WNK3: variants seen among roughly 807,000 people sequenced by gnomAD.
WNK3 encodes the protein WNK lysine deficient protein kinase 3, also known as serine/threonine-protein kinase WNK3.
Under a neutral mutation model 116.7 loss-of-function variants are expected in WNK3, and 18 were observed. That is an observed-to-expected ratio of 0.15 (90% CI 0.11 to 0.23). The LOEUF is 0.23. Ranked by LOEUF, WNK3 falls within the 10% of genes least tolerant of loss-of-function variation. The pLI is 1.00. For synonymous variants in WNK3, 404 were observed against 469.4 expected (o/e 0.86, Z 1.80); for missense variants, 993 against 1,323.8 (o/e 0.75, Z 3.88).
intron 2 of WNK3, 152 bp from the exon 3 acceptor site, chrX:54,311,443 T>C (rs1484345432): frequency 3.8e-5 from 17 of 450,320 alleles, no homozygotes; most frequent in Non-Finnish European, 4.9e-5. Context: ...ACTTGTATCA[T>C]CACAGATATC....
At chrX:54,282,707 G>A (rs1474553647) in intron 10 of WNK3, among the ~76,000 whole-genome samples, 2 of 111,467 alleles carry the variant, frequency 1.8e-5, no homozygotes, top group African/African-American at 3.3e-5. Context: ...GGGTGCCAAG[G>A]CTATTCAATG....
In WNK3 at chrX:54,256,813, A is replaced by G. The variant is rs782623645; in HGVS notation, c.2103-926T>C. Among the ~76,000 whole-genome samples the G allele has an allele frequency of 1.2e-4, 14 of 112,636 alleles. No individual in the cohort carries two copies. In the East Asian group the frequency reaches 3.9e-3, roughly 31 times the overall value. ...AGAAGATACATTAATACTGCCCTTA[A>G]GAGTTTTTTAAATACACAGAGAAAT... On this transcript the variant is annotated intron_variant, in intron 11 of 23. Transcript: ENST00000354646.
chrX:54,234,713 C>T (rs1381968002), intron 20 of WNK3, among the ~76,000 whole-genome samples: 68 of 108,025 alleles, frequency 6.3e-4, no homozygotes, highest in Non-Finnish European at 1.1e-3. Context: ...ATAGTCCCAG[C>T]TACTTGGGAG....
At chrX:54,205,145 G>T (rs2067538722) in intron 22 of WNK3, among the ~76,000 whole-genome samples, 1 of 110,501 alleles carries the variant, frequency 9.0e-6, no homozygotes, top group Admixed American at 9.8e-5. Flanking sequence ...AACCTGGGTG[G>T]TGGAGGCTGC....
At chrX:54,339,877 C>T (rs1443516376) in intron 1 of WNK3, among the ~76,000 whole-genome samples, 1 of 111,822 alleles carries the variant, frequency 8.9e-6, no homozygotes, top group African/African-American at 3.2e-5. Flanking sequence ...AGCTGCACCT[C>T]GGCTGGGCGC....
intron 17 of WNK3, among the ~76,000 whole-genome samples, chrX:54,245,274 G>A (rs1557152487): frequency 9.3e-6 from 1 of 107,854 alleles, no homozygotes; most frequent in African/African-American, 3.4e-5. Context: ...ATTGCTTGAG[G>A]CCAGGAGTTC....
chrX:54,226,469 C>CAA (rs782422874), intron 22 of WNK3, among the ~76,000 whole-genome samples: 5 of 19,809 alleles, frequency 2.5e-4, no homozygotes, highest in African/African-American at 3.6e-4. Flanking sequence ...GACTCTGTCT[C>CAA]AAAAAAAAAA....
chrX:54,305,556 C>A (rs1290199112), intron 5 of WNK3, among the ~76,000 whole-genome samples: 1 of 111,425 alleles, frequency 9.0e-6, no homozygotes, highest in African/African-American at 3.3e-5. Context: ...GAAACTAGGT[C>A]ATTTGTCCTA....
rs192068874 is a variant in WNK3, at chrX:54,200,988, C to T, written c.5073+1003G>A. ...AATATTAACAATAAATGCATTATTTCTTTAACAAACTATATGACTATACAT... is the reference window on the plus strand; with the variant it reads ...AATATTAACAATAAATGCATTATTTTTTTAACAAACTATATGACTATACAT... On this transcript the variant is annotated intron_variant, in intron 23 of 23. Coordinates refer to ENST00000354646, the Ensembl canonical transcript of WNK3. Among the ~76,000 whole-genome samples, 583 of 111,633 alleles carry T rather than the reference C, an allele frequency of 5.2e-3. 6 individuals are homozygous for T. Among genetic ancestry groups the T allele is most frequent in the African/African-American group, 0.018 (569 of 30,800 alleles).
chrX:54,298,269 G>C, exon 7 of WNK3: 1 of 1,209,232 alleles, frequency 8.3e-7, no homozygotes, highest in Non-Finnish European at 1.1e-6. Flanking sequence ...CAATTTTTTA[G>C]GGTCTTCAAC....
chrX:54,245,449 T>TG (rs1439293292), intron 17 of WNK3, among the ~76,000 whole-genome samples: 1 of 110,257 alleles, frequency 9.1e-6, no homozygotes, highest in Admixed American at 9.8e-5. Context: ...ATCATGCCAC[T>TG]GCACTCCAGC....
intron 22 of WNK3, among the ~76,000 whole-genome samples, chrX:54,213,560 A>C (rs76799876): frequency 0.024 from 2,352 of 99,090 alleles, 57 homozygotes; most frequent in East Asian, 0.061. Context: ...TCTCAAAAAA[A>C]AAAACAAACA....
intron 13 of WNK3, among the ~76,000 whole-genome samples, chrX:54,251,899 CTA>C (rs2068134228): frequency 9.2e-6 from 1 of 108,612 alleles, no homozygotes; most frequent in Non-Finnish European, 1.9e-5. Context: ...AACCCTGTCT[CTA>C]CTAAAAATAC....
intron 15 of WNK3, among the ~76,000 whole-genome samples, chrX:54,250,488 A>C (rs1174684684): frequency 7.1e-5 from 8 of 112,141 alleles, no homozygotes; most frequent in Non-Finnish European, 1.5e-4. Flanking sequence ...ACATGTATTA[A>C]AATTTACAGA....
At position 54,255,724 on chromosome X, in the gene WNK3, A is replaced by G; in HGVS notation, c.2250+16T>C. 2 of 1,203,503 alleles carry G rather than the reference A, an allele frequency of 1.7e-6. No individual in the cohort carries two copies. The highest frequency in any genetic ancestry group is 3.6e-5 in the South Asian group (2 of 54,862). On this transcript the variant is annotated intron_variant, in intron 12 of 23. Coordinates refer to ENST00000354646, the Ensembl canonical transcript of WNK3. ...CTCTATATGTACTCTTAACCAAACC[A>G]TATTTACAAACTGACCTGAAGGACG... is the stretch of plus-strand genomic sequence containing the variant.
chrX:54,206,321 G>A (rs2067553410), intron 22 of WNK3, among the ~76,000 whole-genome samples: 1 of 110,992 alleles, frequency 9.0e-6, no homozygotes, highest in Non-Finnish European at 1.9e-5. Flanking sequence ...GCCCAGGAGT[G>A]CAGGGTTATG....
Position 54,213,556 on chromosome X carries a change from AAAAAAAAACAAAC to A in WNK3, c.4871-11376_4871-11364del, listed in dbSNP as rs200534654. Among the ~76,000 whole-genome samples, 708 of 96,858 alleles carry A rather than the reference AAAAAAAAACAAAC, an allele frequency of 7.3e-3. 110 individuals carry two copies. The highest frequency in any genetic ancestry group is 0.033 in the African/African-American group (697 of 21,325). 84.1% of individuals were successfully genotyped at this position (96,858 alleles called of 115,157 possible). On this transcript the variant is annotated intron_variant, in intron 22 of 23. Coordinates refer to ENST00000354646, the Ensembl canonical transcript of WNK3. ...GCGACAGAGTGAGACTCCGTCTCAA[AAAAAAAAACAAAC>A]AAAAAAAAAAAAACTAGGGGAAAAA... is the stretch of plus-strand genomic sequence containing the variant.
chrX:54,325,768 A>C (rs906309121), intron 2 of WNK3, among the ~76,000 whole-genome samples: 1 of 108,914 alleles, frequency 9.2e-6, no homozygotes, highest in Non-Finnish European at 1.9e-5. Flanking sequence ...GTATTTTCCA[A>C]CTCATCATAG....
chrX:54,275,412 CAT>C lies in WNK3; in HGVS notation c.2038-16076_2038-16075del, dbSNP rs1491102624. Among the ~76,000 whole-genome samples the C allele has an allele frequency of 7.8e-3, 347 of 44,432 alleles. 4 individuals carry two copies. The highest frequency in any genetic ancestry group is 0.025 in the African/African-American group (274 of 10,990). 38.6% of individuals were successfully genotyped at this position (44,432 alleles called of 115,157 possible). ...TGTCGGTATCTGTAGGGTATAAGTT[CAT>C]ATGTGTGTGTGTGTGTGTGTGTGTG... On this transcript the variant is annotated intron_variant, in intron 10 of 23. Coordinates refer to ENST00000354646, the Ensembl canonical transcript of WNK3.
Sources: gnomAD v4.1 joint callset for allele counts (sites outside exome capture counted in the v4.1 genomes callset) on GRCh38, gnomAD v4.1.1 for gene constraint, MANE v1.5 for transcripts, NCBI Gene and HGNC (gene_info 2026-07-23, HGNC 2026-07-21) for gene names.